DLG5: variants seen among roughly 807,000 people sequenced by gnomAD.
The protein encoded by DLG5 is discs large MAGUK scaffold protein 5.
A neutral mutation model predicts 189.8 loss-of-function variants in DLG5; 48 were observed. The observed-to-expected ratio is 0.25, with a 90% CI of 0.20 to 0.32. DLG5 has a LOEUF of 0.32. DLG5 is among the 10% of genes least tolerant of loss of function. The pLI is 1.00. For synonymous variants in DLG5, 1,016 were observed against 1,054.1 expected (o/e 0.96, Z 0.70); for missense variants, 2,160 against 2,544.7 (o/e 0.85, Z 3.25).
chr10:77,828,984 G>C lies in DLG5; in HGVS notation c.2187C>G (p.Asp729Glu). ...CTCCATTCTCCAGACTGATGCCACT[G>C]TCTGCAAGCCACAGGAGGTCACTGG... Reference protein sequence around the residue: ...PLHINLSGQKDSGISLENGVY... With the variant: ...PLHINLSGQKESGISLENGVY... Residue 729 changes from aspartate (D) to glutamate (E), a missense_variant and splice_region_variant, in exon 13 of 32, where the codon GAC becomes GAG. Asp to Glu is a conservative substitution (Grantham distance 45, BLOSUM62 2). Around this residue, in one of 5 missense-constraint regions of DLG5, gnomAD observed 107 missense variants for 214.5 expected, o/e 0.50. Transcript: ENST00000372391. The C allele has an allele frequency of 1.2e-6, 2 of 1,613,512 alleles. No homozygotes were observed. The highest frequency in any genetic ancestry group is 1.7e-6 in the Non-Finnish European group (2 of 1,179,942).
intron 2 of DLG5, chr10:77,867,773 C>T: frequency 2.8e-6 from 1 of 360,988 alleles, no homozygotes; most frequent in Non-Finnish European, 5.5e-6. Flanking sequence ...CATTTGCATT[C>T]TAAAAGGGGA....
chr10:77,927,436 C>T (rs1441617084), upstream of DLG5: 1 of 152,226 alleles, frequency 6.6e-6, no homozygotes, highest in African/African-American at 2.4e-5. Context: ...AGATTAAGAC[C>T]TCCGCCGAAT....
chr10:77,817,231 T>TA, intron 18 of DLG5, 135 bp from the exon 19 acceptor site: 1 of 780,274 alleles, frequency 1.3e-6, no homozygotes, highest in South Asian at 1.5e-5. Context: ...GGAGCCTTGA[T>TA]ATGGAACAGT....
intron 2 of DLG5, chr10:77,867,929 T>G (rs536747983): frequency 1.3e-5 from 6 of 456,364 alleles, no homozygotes; most frequent in Non-Finnish European, 2.2e-5. Flanking sequence ...AAAGGGGAAA[T>G]TTGGAGACAG....
intron 1 of DLG5, among the ~76,000 whole-genome samples, chr10:77,879,765 A>G (rs1457542911): frequency 6.6e-6 from 1 of 151,630 alleles, no homozygotes. Flanking sequence ...AACTGGAAGG[A>G]TGATGTTGGT....
At position 77,794,929 on chromosome 10, in the gene DLG5, C is replaced by T. The variant is rs775444510; in HGVS notation, c.5466G>A (p.Pro1822=). Residue 1822 remains proline, a synonymous_variant, in exon 30 of 32, where the codon CCG becomes CCA. Transcript: ENST00000372391. ...KNRHCLLDIA[P]HAIERLHHMH... ...TGTGGTGGAGCCGCTCAATAGCGTGCGGAGCAATGTCCAGGAGGCAGTGTC... is the reference window on the plus strand; with the variant it reads ...TGTGGTGGAGCCGCTCAATAGCGTGTGGAGCAATGTCCAGGAGGCAGTGTC... 8.7e-6 allele frequency: 14 copies of T among 1,613,896 alleles called. No homozygotes were observed. The highest frequency in any genetic ancestry group is 6.7e-5 in the Admixed American group (4 of 59,998).
At chr10:77,936,451 A>C in the DLG5 span, among the ~76,000 whole-genome samples, 200 of 91,098 alleles carry the variant, frequency 2.2e-3, 1 homozygote, top group East Asian at 0.031. Context: ...CAAAACAAAA[A>C]AAAAAAAAAA....
chr10:77,795,756 C>A (rs1027206736), intron 29 of DLG5, among the ~76,000 whole-genome samples: 1 of 152,104 alleles, frequency 6.6e-6, no homozygotes, highest in Non-Finnish European at 1.5e-5. Context: ...GAATGCCCTG[C>A]GAGAGGCCTT....
chr10:77,931,221 GCTGGATTATAGGCGTGAGCCA>G (rs1846783595), upstream of DLG5, among the ~76,000 whole-genome samples: 1 of 151,996 alleles, frequency 6.6e-6, no homozygotes, highest in African/African-American at 2.4e-5. Flanking sequence ...CTCCCAAAGT[GCTGGATTATAGGCGTGAGCCA>G]CTGTGCCCCG....
At chr10:77,890,866 C>T (rs1383446973) in intron 1 of DLG5, among the ~76,000 whole-genome samples, 1 of 152,148 alleles carries the variant, frequency 6.6e-6, no homozygotes, top group African/African-American at 2.4e-5. Flanking sequence ...TAAAACCTGC[C>T]TGGAAGCTGG....
At chr10:77,890,461 A>G (rs1331069949) in intron 1 of DLG5, among the ~76,000 whole-genome samples, 3 of 152,176 alleles carry the variant, frequency 2.0e-5, no homozygotes, top group Non-Finnish European at 2.9e-5. Context: ...GGCAAGGTAC[A>G]TAATACCTCT....
chr10:77,923,690 G>A (rs116260006), intron 1 of DLG5, among the ~76,000 whole-genome samples: 8,931 of 152,186 alleles, frequency 0.059, 329 homozygotes, highest in African/African-American at 0.081. Context: ...ACCAGGAGGC[G>A]GAGGCTGCAG....
chr10:77,919,533 G>C (rs1367573062), intron 1 of DLG5, among the ~76,000 whole-genome samples: 8 of 146,758 alleles, frequency 5.5e-5, no homozygotes, highest in East Asian at 3.9e-4. Flanking sequence ...AAGCTAAAAG[G>C]CTCTGCCAAG....
chr10:77,833,355 T>A, intron 9 of DLG5, among the ~76,000 whole-genome samples: 1 of 151,834 alleles, frequency 6.6e-6, no homozygotes, highest in South Asian at 2.1e-4. Context: ...TTTAAAACTC[T>A]AATCACAATC....
intron 2 of DLG5, chr10:77,866,910 G>C: frequency 2.2e-6 from 1 of 447,156 alleles, no homozygotes; most frequent in South Asian, 1.6e-5. Context: ...GCAAAACTCG[G>C]TTCCCTGTGA....
chr10:77,830,118 G>A (rs1454343323), intron 11 of DLG5, 99 bp downstream of exon 11: 2 of 1,491,634 alleles, frequency 1.3e-6, no homozygotes, highest in East Asian at 2.3e-5. Flanking sequence ...GTCTAAGGCT[G>A]GGAAACGTTC....
intron 20 of DLG5, among the ~76,000 whole-genome samples, chr10:77,814,464 TATA>T (rs1568135433): frequency 1.4e-3 from 41 of 30,094 alleles, no homozygotes; most frequent in East Asian, 8.8e-3. Flanking sequence ...AGCATGTTTA[TATA>T]TATATATATA....
intron 9 of DLG5, among the ~76,000 whole-genome samples, chr10:77,832,947 T>G (rs947743988): frequency 1.3e-5 from 2 of 152,002 alleles, no homozygotes; most frequent in African/African-American, 4.8e-5. Flanking sequence ...TTTGTCTCAT[T>G]AGGAATTTTA....
At chr10:77,819,002 T>C (rs981558815) in intron 17 of DLG5, among the ~76,000 whole-genome samples, 1 of 152,176 alleles carries the variant, frequency 6.6e-6, no homozygotes, top group African/African-American at 2.4e-5. Flanking sequence ...ACAGAAACAG[T>C]AATAGGACTT....
Sources: gnomAD v4.1 joint callset for allele counts (sites outside exome capture counted in the v4.1 genomes callset) on GRCh38, gnomAD v4.1.1 for gene constraint, gnomAD v4.1.1 regional missense constraint, MANE v1.5 for transcripts, NCBI Gene and HGNC (gene_info 2026-07-23, HGNC 2026-07-21) for gene names.